The following MARCHF1 variants were observed in gnomAD, a reference collection of about 807,000 sequenced individuals.
MARCHF1 encodes the protein E3 ubiquitin-protein ligase MARCHF1.
In MARCHF1, 40 loss-of-function variants were observed where a neutral mutation model predicts 54.2. That is an observed-to-expected ratio of 0.74 (90% CI 0.57 to 0.96). The LOEUF is 0.96. Among genes scored for constraint, MARCHF1 ranks in the 40% least tolerant of loss-of-function variants. The pLI, the probability that MARCHF1 is intolerant of heterozygous loss-of-function variation, is 0.00. For synonymous variants in MARCHF1, 236 were observed against 236.3 expected (o/e 1.00, Z 0.01); for missense variants, 586 against 656.5 (o/e 0.89, Z 1.17).
intron 1 of MARCHF1, among the ~76,000 whole-genome samples, chr4:164,144,624 G>A (rs1379249417): frequency 3.5e-5 from 5 of 144,138 alleles, no homozygotes; most frequent in Non-Finnish European, 6.0e-5. Flanking sequence ...TGAAACCAAC[G>A]AGAACAAAGA....
chr4:164,010,679 T>C lies in MARCHF1; in HGVS notation c.-247-21970A>G, dbSNP rs1224912730. Among the ~76,000 whole-genome samples the C allele has an allele frequency of 2.6e-5, 4 of 152,058 alleles. No homozygotes were observed. The South Asian group carries it at 6.2e-4, about 24-fold the overall frequency. Reference sequence around the variant, plus strand: ...TTTAGAAGAATTAATATTTTTAAAATGATAATACTACCCAAAGCAATCTAC... The same window carrying C: ...TTTAGAAGAATTAATATTTTTAAAACGATAATACTACCCAAAGCAATCTAC... On this transcript the variant is annotated intron_variant, in intron 2 of 9. Transcript: ENST00000514618.
intron 3 of MARCHF1, among the ~76,000 whole-genome samples, chr4:163,921,674 A>T (rs1751433486): frequency 6.6e-6 from 1 of 152,186 alleles, no homozygotes; most frequent in African/African-American, 2.4e-5. Flanking sequence ...GATAAAGGTG[A>T]TATCATAAAA....
intron 3 of MARCHF1, among the ~76,000 whole-genome samples, chr4:163,965,825 G>A (rs1002102625): frequency 1.1e-4 from 16 of 152,036 alleles, no homozygotes; most frequent in African/African-American, 3.4e-4. Context: ...TCTCATGAAT[G>A]TGTAACACAG....
intron 1 of MARCHF1, among the ~76,000 whole-genome samples, chr4:164,241,749 G>A (rs573362404): frequency 2.0e-5 from 3 of 152,288 alleles, no homozygotes. Flanking sequence ...CCAGACAGTG[G>A]GCACAGGTCA....
intron 1 of MARCHF1, among the ~76,000 whole-genome samples, chr4:164,251,897 C>T (rs913590268): frequency 5.3e-5 from 8 of 151,918 alleles, no homozygotes; most frequent in Admixed American, 2.0e-4. Flanking sequence ...TAATTGTATA[C>T]GAAAAGCACA....
At chr4:164,235,322 T>C (rs1029304738) in intron 1 of MARCHF1, among the ~76,000 whole-genome samples, 3 of 152,134 alleles carry the variant, frequency 2.0e-5, no homozygotes, top group Admixed American at 6.6e-5. Flanking sequence ...GAATATTAAA[T>C]GTTTTCTTCA....
chr4:163,986,312 T>A (rs571497140), intron 3 of MARCHF1, among the ~76,000 whole-genome samples: 2 of 133,654 alleles, frequency 1.5e-5, no homozygotes, highest in Non-Finnish European at 1.6e-5. Flanking sequence ...TCGCCCAGGC[T>A]GGAGTGCAGT....
chr4:163,744,394 T>TAGTA (rs535459418), intron 4 of MARCHF1, among the ~76,000 whole-genome samples: 1 of 152,210 alleles, frequency 6.6e-6, no homozygotes, highest in African/African-American at 2.4e-5. Context: ...ACCTCTTATA[T>TAGTA]AGTAAGTATC....
At chr4:164,111,423 T>C (rs576423444) in intron 2 of MARCHF1, among the ~76,000 whole-genome samples, 165 bp downstream of exon 2, 2 of 151,860 alleles carry the variant, frequency 1.3e-5, no homozygotes, top group African/African-American at 2.4e-5. Context: ...TCATTATTCA[T>C]TGAGACCAAA....
In MARCHF1 at chr4:164,309,344, C is replaced by T. The variant is rs1734785921; in HGVS notation, c.-323+74526G>A. 2.0e-5 allele frequency among the ~76,000 whole-genome samples: 3 copies of T among 151,972 alleles called. No individual in the cohort carries two copies. In the South Asian group the frequency reaches 6.2e-4, roughly 31 times the overall value. ...CTTTTGTCTGCATGTCTGCTTTGCGCTCCCTGCCACATTTCAGGAAGAGGC... is the reference window on the plus strand; with the variant it reads ...CTTTTGTCTGCATGTCTGCTTTGCGTTCCCTGCCACATTTCAGGAAGAGGC... On this transcript the variant is annotated intron_variant, in intron 1 of 9. Transcript: ENST00000514618.
intron 2 of MARCHF1, among the ~76,000 whole-genome samples, chr4:164,071,784 C>T (rs1184272152): frequency 6.6e-6 from 1 of 152,064 alleles, no homozygotes; most frequent in Non-Finnish European, 1.5e-5. Flanking sequence ...TTTCTGGCTC[C>T]TCCTGTAAGT....
chr4:164,340,410 T>TACATAC lies in MARCHF1; in HGVS notation c.-323+43459_-323+43460insGTATGT, dbSNP rs1418106256. On this transcript the variant is annotated intron_variant, in intron 1 of 9. Transcript: ENST00000514618. ...ACATGCCACCAGGCCTTGATTTATA[T>TACATAC]ATAGATATATATATATATATATATA... 6.0e-4 allele frequency among the ~76,000 whole-genome samples: 63 copies of TACATAC among 104,486 alleles called. 4 individuals carry two copies. Among genetic ancestry groups the TACATAC allele is most frequent in the East Asian group, 2.4e-3 (6 of 2,490 alleles). 68.5% of individuals were successfully genotyped at this position (104,486 alleles called of 152,430 possible).
intron 3 of MARCHF1, among the ~76,000 whole-genome samples, chr4:163,880,109 T>G (rs147146132): frequency 1.3e-5 from 2 of 151,970 alleles, no homozygotes; most frequent in African/African-American, 4.8e-5. Context: ...TAAAATTTTA[T>G]TAACTAAATA....
chr4:164,368,316 T>C (rs1730938481), intron 1 of MARCHF1, among the ~76,000 whole-genome samples: 1 of 135,164 alleles, frequency 7.4e-6, no homozygotes, highest in East Asian at 2.3e-4. Context: ...AAAAAGAAAA[T>C]AATTTTCTAG....
intron 7 of MARCHF1, 149 bp downstream of exon 7, chr4:163,612,122 T>C: frequency 2.9e-6 from 2 of 679,306 alleles, no homozygotes; most frequent in Non-Finnish European, 4.5e-6. Context: ...ATTCTTTTCA[T>C]ACCCACCTTT....
In MARCHF1 at chr4:163,991,952, T is replaced by C. The variant is rs559334892; in HGVS notation, c.-247-3243A>G. Among the ~76,000 whole-genome samples, 6 of 151,822 alleles carry C rather than the reference T, an allele frequency of 4.0e-5. No individual in the cohort carries two copies. In the South Asian group the frequency reaches 1.0e-3, roughly 26 times the overall value. On this transcript the variant is annotated intron_variant, in intron 2 of 9. Coordinates refer to ENST00000514618, the MANE Select transcript of MARCHF1 (RefSeq NM_001394959.1). ...AGTTTTCCCCCAAGAGATTCTGATTTGGTGCTGTTCCTTATTCTCAGTGGC... is the reference window on the plus strand; with the variant it reads ...AGTTTTCCCCCAAGAGATTCTGATTCGGTGCTGTTCCTTATTCTCAGTGGC...
At chr4:164,188,307 G>A (rs1186008613) in intron 1 of MARCHF1, 6 of 336,154 alleles carry the variant, frequency 1.8e-5, no homozygotes, top group African/African-American at 4.2e-5. Context: ...GCGGGTAACC[G>A]CGCTGCGCTC....
At chr4:164,130,249 TATAAC>T (rs1364646086) in intron 1 of MARCHF1, among the ~76,000 whole-genome samples, 2 of 152,176 alleles carry the variant, frequency 1.3e-5, no homozygotes, top group East Asian at 3.8e-4. Context: ...AGTGGTTTAT[TATAAC>T]ATAATGTTAA....
chr4:164,329,153 A>G (rs1024469103), intron 1 of MARCHF1, among the ~76,000 whole-genome samples: 1 of 152,242 alleles, frequency 6.6e-6, no homozygotes, highest in African/African-American at 2.4e-5. Flanking sequence ...GCCAGAAACA[A>G]ACAAAATCCA....
Sources: gnomAD v4.1 joint callset for allele counts (sites outside exome capture counted in the v4.1 genomes callset) on GRCh38, gnomAD v4.1.1 for gene constraint, MANE v1.5 for transcripts, NCBI Gene and HGNC (gene_info 2026-07-23, HGNC 2026-07-21) for gene names.